EXOC2: variants seen among roughly 807,000 people sequenced by gnomAD.
EXOC2 encodes the protein exocyst complex component 2.
In EXOC2, 70 loss-of-function variants were observed where a neutral mutation model predicts 131.8. The observed-to-expected ratio is 0.53, with a 90% CI of 0.44 to 0.65. EXOC2 has a LOEUF of 0.65. EXOC2 is among the 30% of genes least tolerant of loss of function. EXOC2 has a pLI of 0.00. For missense variants in EXOC2, 923 were observed against 1,108.6 expected (o/e 0.83, Z 2.38); for synonymous variants, 411 against 398.4 (o/e 1.03, Z -0.38).
At chr6:550,741 T>C (rs1285342404) in intron 21 of EXOC2, among the ~76,000 whole-genome samples, 1 of 152,204 alleles carries the variant, frequency 6.6e-6, no homozygotes, top group Non-Finnish European at 1.5e-5. Flanking sequence ...ACGCAGTCCC[T>C]GTAAGGACAA....
chr6:650,443 C>T (rs1762778519), intron 1 of EXOC2, among the ~76,000 whole-genome samples: 5 of 151,230 alleles, frequency 3.3e-5, no homozygotes, highest in South Asian at 4.2e-4. Context: ...CACAATTAAA[C>T]TAAAAACTTT....
At chr6:664,936 C>T (rs939107298) in intron 1 of EXOC2, among the ~76,000 whole-genome samples, 1 of 152,018 alleles carries the variant, frequency 6.6e-6, no homozygotes, top group Non-Finnish European at 1.5e-5. Context: ...AGATAAATAG[C>T]TGGGACCTAA....
At chr6:538,376 A>C (rs1766591960) in intron 22 of EXOC2, among the ~76,000 whole-genome samples, 1 of 152,254 alleles carries the variant, frequency 6.6e-6, no homozygotes, top group African/African-American at 2.4e-5. Context: ...ATTCCTGCTC[A>C]AAAAGCAAGG....
chr6:618,722 T>A (rs2127679104), intron 5 of EXOC2, among the ~76,000 whole-genome samples: 1 of 152,346 alleles, frequency 6.6e-6, no homozygotes, highest in East Asian at 1.9e-4. Flanking sequence ...AAATGCCAAC[T>A]TTTCCTGATG....
At chr6:602,939 G>A (rs1402086079) in intron 7 of EXOC2, among the ~76,000 whole-genome samples, 1 of 152,176 alleles carries the variant, frequency 6.6e-6, no homozygotes, top group Non-Finnish European at 1.5e-5. Flanking sequence ...AAACATCTTT[G>A]TATGTGCCAG....
Position 637,859 on chromosome 6 carries a change from A to G in EXOC2, c.-41T>C. 6.4e-7 allele frequency: 1 copy of G among 1,572,810 alleles called. No individual in the cohort carries two copies. Among genetic ancestry groups the G allele is most frequent in the African/African-American group, 1.4e-5 (1 of 74,056 alleles). Reference sequence around the variant, plus strand: ...AAACTGGTGATCCTGTTAGAGAAGTAATCTGTTAAAAGAGAAAGAAAAAAG... The same window carrying G: ...AAACTGGTGATCCTGTTAGAGAAGTGATCTGTTAAAAGAGAAAGAAAAAAG... On this transcript the variant is annotated splice_region_variant and 5_prime_UTR_variant, in exon 2 of 28. Transcript: ENST00000230449.
At chr6:510,982 G>A (rs1764813087) in intron 23 of EXOC2, among the ~76,000 whole-genome samples, 1 of 152,212 alleles carries the variant, frequency 6.6e-6, no homozygotes, top group Admixed American at 6.5e-5. Flanking sequence ...GTTAACTGTT[G>A]ATTTTCACAA....
intron 17 of EXOC2, among the ~76,000 whole-genome samples, chr6:562,182 C>T (rs888267102): frequency 1.3e-5 from 2 of 152,330 alleles, no homozygotes; most frequent in African/African-American, 4.8e-5. Context: ...ACAGAAGTCC[C>T]CCCCTGGTGA....
At chr6:614,855 A>G (rs550781442) in intron 6 of EXOC2, among the ~76,000 whole-genome samples, 1 of 152,260 alleles carries the variant, frequency 6.6e-6, no homozygotes, top group East Asian at 1.9e-4. Context: ...ACTTAAATAT[A>G]TATTAAGAAA....
At chr6:635,815 C>T (rs1762072956) in intron 2 of EXOC2, among the ~76,000 whole-genome samples, 1 of 152,254 alleles carries the variant, frequency 6.6e-6, no homozygotes, top group African/African-American at 2.4e-5. Context: ...GTAATGCCAG[C>T]ACTTTGGGAG....
At chr6:528,339 T>C (rs1182100488) in intron 23 of EXOC2, among the ~76,000 whole-genome samples, 2 of 152,228 alleles carry the variant, frequency 1.3e-5, no homozygotes, top group Non-Finnish European at 2.9e-5. Context: ...CTGAAGATAA[T>C]ACTAAAGTTG....
chr6:541,991 G>A (rs951535682), intron 22 of EXOC2, among the ~76,000 whole-genome samples: 3 of 152,188 alleles, frequency 2.0e-5, no homozygotes, highest in Admixed American at 6.5e-5. Context: ...ATAATACTGA[G>A]TGGGAAAACA....
At chr6:489,318 A>AT in intron 26 of EXOC2, among the ~76,000 whole-genome samples, 1 of 152,244 alleles carries the variant, frequency 6.6e-6, no homozygotes, top group Non-Finnish European at 1.5e-5. Context: ...GATGCTAGTG[A>AT]TAGAGGAGAG....
chr6:497,374 G>A lies in EXOC2; in HGVS notation c.2552C>T (p.Ala851Val). The A allele has an allele frequency of 6.2e-7, 1 of 1,613,098 alleles. No individual in the cohort carries two copies. Among genetic ancestry groups the A allele is most frequent in the African/African-American group, 1.3e-5 (1 of 75,018 alleles). ...QCVSSFSKNG[A>V]LQARLEICAL... ...ATTGAATGATTTTGTTACCTGTAAA[G>A]CTCCATTTTTGCTGAAGGATGAAAC... The change falls in exon 25 of 28, where the codon GCT becomes GTT. Residue 851 changes from alanine to valine, a missense_variant. By Grantham distance (64) the Ala-to-Val change is moderately conservative (BLOSUM62 0). Coordinates refer to ENST00000230449, the MANE Select transcript of EXOC2 (RefSeq NM_018303.6).
intron 6 of EXOC2, among the ~76,000 whole-genome samples, chr6:613,276 C>T (rs576135069): frequency 3.9e-4 from 59 of 152,210 alleles, no homozygotes; most frequent in Non-Finnish European, 7.4e-4. Context: ...ATTAAAATAC[C>T]TGTGGGGACA....
chr6:598,657 A>G (rs1759956637), intron 9 of EXOC2, among the ~76,000 whole-genome samples: 1 of 152,230 alleles, frequency 6.6e-6, no homozygotes, highest in Non-Finnish European at 1.5e-5. Flanking sequence ...CAGGCGAACA[A>G]CCTAGAGTCG....
At chr6:593,974 G>A (rs927547965) in intron 10 of EXOC2, among the ~76,000 whole-genome samples, 1 of 152,232 alleles carries the variant, frequency 6.6e-6, no homozygotes, top group Non-Finnish European at 1.5e-5. Context: ...TGGGGAGCCG[G>A]ATATCCAGGC....
chr6:613,637 T>A (rs1022071337), intron 6 of EXOC2, among the ~76,000 whole-genome samples: 1 of 152,086 alleles, frequency 6.6e-6, no homozygotes, highest in Non-Finnish European at 1.5e-5. Flanking sequence ...TTTCCTTTGA[T>A]AACCATTTGG....
Position 496,986 on chromosome 6 carries a change from T to C in EXOC2, c.2559+381A>G, listed in dbSNP as rs1763779896. On this transcript the variant is annotated intron_variant, in intron 25 of 27. Transcript: ENST00000230449. Reference sequence around the variant, plus strand: ...TATGTAATTTAAACAAAAGAGACAGTTATTTGTTGTTTCTATGCAAACTGC... The same window carrying C: ...TATGTAATTTAAACAAAAGAGACAGCTATTTGTTGTTTCTATGCAAACTGC... 3.3e-5 allele frequency among the ~76,000 whole-genome samples: 5 copies of C among 152,298 alleles called. No homozygotes were observed. In the South Asian group the frequency reaches 1.0e-3, roughly 32 times the overall value.
Sources: allele counts gnomAD v4.1 joint callset (sites outside exome capture counted in the v4.1 genomes callset), GRCh38; gene constraint gnomAD v4.1.1; transcripts MANE v1.5; gene names NCBI Gene and HGNC (gene_info 2026-07-23, HGNC 2026-07-21).